The following GALNTL6 variants were observed in gnomAD, a reference collection of about 807,000 sequenced individuals.
GALNTL6 encodes polypeptide N-acetylgalactosaminyltransferase like 6.
A neutral mutation model predicts 73.7 loss-of-function variants in GALNTL6; 46 were observed. The ratio of observed to expected loss-of-function variants is 0.62; its 90% confidence interval spans 0.49 to 0.80. GALNTL6 has a LOEUF of 0.80. GALNTL6 is among the 30% of genes least tolerant of loss of function. GALNTL6 has a pLI of 0.00. For missense variants in GALNTL6, 604 were observed against 755.0 expected, an observed-to-expected ratio of 0.80 and a Z score of 2.34; for synonymous variants, 259 against 263.7, an observed-to-expected ratio of 0.98 and a Z score of 0.17.
At chr4:172,349,683 G>C (rs1175441732) in intron 5 of GALNTL6, among the ~76,000 whole-genome samples, 4 of 151,940 alleles carry the variant, frequency 2.6e-5, no homozygotes, top group Non-Finnish European at 4.4e-5. Flanking sequence ...AGGTTGCCTA[G>C]TATCTATATA....
intron 4 of GALNTL6, among the ~76,000 whole-genome samples, chr4:172,334,976 C>T (rs532530802): frequency 4.4e-4 from 67 of 150,670 alleles, no homozygotes; most frequent in Middle Eastern, 3.4e-3. Flanking sequence ...TTGATATAAT[C>T]ATATGACTTT....
intron 2 of GALNTL6, among the ~76,000 whole-genome samples, chr4:171,837,390 T>C (rs556880969): frequency 2.6e-5 from 4 of 151,884 alleles, no homozygotes; most frequent in South Asian, 2.1e-4. Flanking sequence ...TGGGGGGCGA[T>C]TGGTGAAACG....
chr4:172,482,298 G>A (rs556248853), intron 5 of GALNTL6, among the ~76,000 whole-genome samples: 52 of 152,318 alleles, frequency 3.4e-4, no homozygotes, highest in Middle Eastern at 3.4e-3. Flanking sequence ...TCCAGCCTCC[G>A]ACAGCCCAGA....
intron 5 of GALNTL6, among the ~76,000 whole-genome samples, chr4:172,517,044 G>C (rs528994039): frequency 6.0e-4 from 92 of 152,076 alleles, no homozygotes; most frequent in African/African-American, 1.8e-3. Context: ...GGAAATGAAG[G>C]GTTGATATTT....
intron 3 of GALNTL6, among the ~76,000 whole-genome samples, chr4:172,304,249 A>G (rs1740043922): frequency 6.6e-6 from 1 of 152,134 alleles, no homozygotes; most frequent in Non-Finnish European, 1.5e-5. Context: ...TCATTTTCAT[A>G]TGGCACTCAT....
intron 5 of GALNTL6, among the ~76,000 whole-genome samples, chr4:172,728,960 C>G (rs543922823): frequency 5.4e-4 from 82 of 152,224 alleles, no homozygotes; most frequent in African/African-American, 1.8e-3. Context: ...TTGCATATCT[C>G]TGATGATTGA....
At chr4:171,852,205 T>A (rs1735541148) in intron 2 of GALNTL6, among the ~76,000 whole-genome samples, 2 of 152,252 alleles carry the variant, frequency 1.3e-5, no homozygotes, top group South Asian at 4.1e-4. Flanking sequence ...TTTTTTCTGT[T>A]GTCCAATTCT....
At chr4:172,550,967 G>C (rs991786990) in intron 5 of GALNTL6, among the ~76,000 whole-genome samples, 1 of 152,116 alleles carries the variant, frequency 6.6e-6, no homozygotes, top group Non-Finnish European at 1.5e-5. Flanking sequence ...ACATAGTCCC[G>C]CAGGAGATAC....
At chr4:172,203,581 G>A (rs1736020054) in intron 2 of GALNTL6, among the ~76,000 whole-genome samples, 1 of 152,048 alleles carries the variant, frequency 6.6e-6, no homozygotes, top group South Asian at 2.1e-4. Context: ...TAACCTGGGA[G>A]GCAAGGCAGG....
At chr4:172,175,544 G>A (rs2110833526) in intron 2 of GALNTL6, among the ~76,000 whole-genome samples, 1 of 152,306 alleles carries the variant, frequency 6.6e-6, no homozygotes, top group East Asian at 1.9e-4. Context: ...TTTATGTCCA[G>A]ATTACAAGTA....
At chr4:172,738,942 A>G (rs1470645697) in intron 5 of GALNTL6, among the ~76,000 whole-genome samples, 1 of 152,188 alleles carries the variant, frequency 6.6e-6, no homozygotes, top group Non-Finnish European at 1.5e-5. Flanking sequence ...GGTTATGATA[A>G]GAGGTTGTAG....
At chr4:172,057,497 C>G (rs1731050444) in intron 2 of GALNTL6, among the ~76,000 whole-genome samples, 1 of 150,116 alleles carries the variant, frequency 6.7e-6, no homozygotes, top group Admixed American at 6.7e-5. Context: ...AAAATCAGCC[C>G]GGGCAACATA....
intron 7 of GALNTL6, among the ~76,000 whole-genome samples, chr4:172,878,836 C>A (rs868222395): frequency 1.3e-5 from 2 of 151,598 alleles, no homozygotes; most frequent in South Asian, 2.1e-4. Flanking sequence ...ATGCAAGATG[C>A]AAGTATATGT....
intron 10 of GALNTL6, among the ~76,000 whole-genome samples, chr4:172,998,841 A>G (rs1751912084): frequency 6.6e-6 from 1 of 152,088 alleles, no homozygotes. Context: ...TTCCCCCCTC[A>G]ATCTTCTCAA....
At chr4:172,907,021 T>C (rs1746933971) in intron 8 of GALNTL6, among the ~76,000 whole-genome samples, 1 of 152,116 alleles carries the variant, frequency 6.6e-6, no homozygotes, top group Admixed American at 6.6e-5. Flanking sequence ...AGGAAGGAGA[T>C]GATACAAGGG....
chr4:172,809,339 G>T lies in GALNTL6; in HGVS notation c.554-22G>T. 5 of 1,602,618 alleles carry T rather than the reference G, an allele frequency of 3.1e-6. No individual in the cohort carries two copies. Among genetic ancestry groups the T allele is most frequent in the Non-Finnish European group, 3.4e-6 (4 of 1,172,322 alleles). Reference sequence around the variant, plus strand: ...AACTAATGTTTTGCGTTTTTTCTATGCATTCTCTACTTCCTACCTAGAACA... The same window carrying T: ...AACTAATGTTTTGCGTTTTTTCTATTCATTCTCTACTTCCTACCTAGAACA... On this transcript the variant is annotated intron_variant, in intron 5 of 12. Coordinates refer to ENST00000506823, the MANE Select transcript of GALNTL6 (RefSeq NM_001034845.3). The surrounding 1 kb of genome is among the most constrained non-coding windows in gnomAD (Gnocchi z 4.4).
At chr4:173,005,991 C>G (rs1752261738) in intron 10 of GALNTL6, among the ~76,000 whole-genome samples, 1 of 152,170 alleles carries the variant, frequency 6.6e-6, no homozygotes. Context: ...CAAAACAAGG[C>G]ACTCCAATAG....
At chr4:172,665,154 A>G (rs547416969) in intron 5 of GALNTL6, among the ~76,000 whole-genome samples, 11 of 152,250 alleles carry the variant, frequency 7.2e-5, no homozygotes, top group Non-Finnish European at 1.6e-4. Context: ...CCACCTACTA[A>G]TCATTAAGCC....
intron 10 of GALNTL6, among the ~76,000 whole-genome samples, chr4:172,963,753 T>C (rs1300792000): frequency 6.6e-6 from 1 of 152,190 alleles, no homozygotes; most frequent in Non-Finnish European, 1.5e-5. Context: ...GAGTAATGAC[T>C]CTCAGGTAAC....
Sources: allele counts gnomAD v4.1 joint callset (sites outside exome capture counted in the v4.1 genomes callset), GRCh38; gene constraint gnomAD v4.1.1; non-coding constraint Gnocchi (gnomAD v3.1); transcripts MANE v1.5; gene names NCBI Gene and HGNC (gene_info 2026-07-23, HGNC 2026-07-21).